LCAT: variants seen among roughly 807,000 people sequenced by gnomAD.
LCAT encodes phosphatidylcholine-sterol acyltransferase.
Under a neutral mutation model 41.0 loss-of-function variants are expected in LCAT, and 15 were observed. The observed-to-expected ratio is 0.37, with a 90% confidence interval of 0.24 to 0.56. LCAT has a LOEUF of 0.56. Among genes scored for constraint, LCAT ranks in the 20% least tolerant of loss-of-function variants. The pLI is 0.81. For missense variants in LCAT, 449 were observed against 595.1 expected (o/e 0.75, Z 2.55); for synonymous variants, 248 against 245.4 (o/e 1.01, Z -0.10).
chr16:67,942,641 C>T lies in LCAT; in HGVS notation c.523+30G>A, dbSNP rs777796548. On this transcript the variant is annotated intron_variant, in intron 4 of 5. Transcript: ENST00000264005. The surrounding 1 kb of genome is among the most constrained non-coding windows in gnomAD (Gnocchi z 6.6). ...CTGGGGTCTGGGGCACCTGCCCCAC[C>T]CCAAGCCGGTCATCCGCAGAGACAC... The T allele has an allele frequency of 1.9e-6, 3 of 1,612,670 alleles. No homozygotes were observed. Among genetic ancestry groups the T allele is most frequent in the African/African-American group, 2.7e-5 (2 of 75,058 alleles).
rs745639568 is a variant in LCAT at position 67,942,702 on chromosome 16, G to A, written c.492C>T (p.Arg164=). 40 of 1,612,748 alleles carry A rather than the reference G, an allele frequency of 2.5e-5. No homozygotes were observed. The highest frequency in any genetic ancestry group is 3.3e-5 in the Admixed American group (2 of 60,006). Residue 164 remains arginine (R), a synonymous_variant, in exon 4 of 6, where the codon CGC becomes CGT. Transcript: ENST00000264005. This position sits in a 1 kb window ranked among gnomAD's most constrained non-coding sequence, Gnocchi z 6.6. The part of the protein sequence containing the change: ...NNGYVRDETV[R]AAPYDWRLEP... ...CCAGCCGCCAGTCATAGGGGGCGGC[G>A]CGCACAGTCTCGTCCCGCACGTAGC...
Position 67,943,141 on chromosome 16 carries a change from G to C in LCAT, c.226C>G (p.Arg76Gly). 6.2e-7 allele frequency: 1 copy of C among 1,613,912 alleles called. No homozygotes were observed. The highest frequency in any genetic ancestry group is 8.5e-7 in the Non-Finnish European group (1 of 1,179,932). ...KPDVVNWMCY[R>G]KTEDFFTIWL... ...ATGGTGAAGAAGTCCTCTGTCTTGC[G>C]GTAGCACATCCAGTTCACCACATCT... The change falls in exon 2 of 6, where the codon CGC becomes GGC. Residue 76 changes from arginine to glycine, a missense_variant. Transcript: ENST00000264005. The surrounding 1 kb of genome is among the most constrained non-coding windows in gnomAD (Gnocchi z 4.6).
Position 67,942,305 on chromosome 16 carries a change from G to A in LCAT, c.748+58C>T. The A allele has an allele frequency of 1.3e-6, 2 of 1,561,364 alleles. No individual in the cohort carries two copies. The highest frequency in any genetic ancestry group is 3.4e-5 in the Admixed American group (2 of 58,824). ...TGAGCAGGAGCCGCAATGAAGGCAG[G>A]CCCAGGATCAGCTTGGTCTCACCCA... On this transcript the variant is annotated intron_variant, in intron 5 of 5. Transcript: ENST00000264005. This position sits in a 1 kb window ranked among gnomAD's most constrained non-coding sequence, Gnocchi z 6.6.
At chr16:67,941,970 G>T (rs1239548658) in intron 5 of LCAT, 2 of 1,192,528 alleles carry the variant, frequency 1.7e-6, no homozygotes, top group East Asian at 1.1e-4. Context: ...AGAGCAGGTG[G>T]GGCCTCGGGG....
Position 67,942,202 on chromosome 16 carries a change from C to G in LCAT, c.748+161G>C. On this transcript the variant is annotated intron_variant, in intron 5 of 5. Transcript: ENST00000264005. This position sits in a 1 kb window ranked among gnomAD's most constrained non-coding sequence, Gnocchi z 6.6. Reference sequence around the variant, plus strand: ...AAGGAGCCACCCTAATTGCTCAGGCCAGGGTCACTGCTCTGGGGGCCAGTG... The same window carrying G: ...AAGGAGCCACCCTAATTGCTCAGGCGAGGGTCACTGCTCTGGGGGCCAGTG... The G allele has an allele frequency of 7.7e-7, 1 of 1,293,846 alleles. No homozygotes were observed. The highest frequency in any genetic ancestry group is 1.1e-6 in the Non-Finnish European group (1 of 927,862). The allele number at this position is 1,293,846 out of a possible 1,614,324, so 80.1% of individuals were successfully genotyped here.
Position 67,940,657 on chromosome 16 carries a change from A to G in LCAT, c.749-179T>C, listed in dbSNP as rs189323062. On this transcript the variant is annotated intron_variant, in intron 5 of 5. Coordinates refer to ENST00000264005, the MANE Select transcript of LCAT (RefSeq NM_000229.2). ...ATGATGCTCAGTGTCAGCTTACTCA[A>G]TGAGAAGCCCTGATAAGACCTCTGT... 111 of 1,092,784 alleles carry G rather than the reference A, an allele frequency of 1.0e-4. No homozygotes were observed. In the African/African-American group the frequency reaches 1.1e-3, roughly 11 times the overall value. The allele number at this position is 1,092,784 out of a possible 1,614,324, so 67.7% of individuals were successfully genotyped here. A position where few individuals can be genotyped will look rare whatever the true frequency, so the allele number is the denominator to read the frequency against.
At position 67,942,936 on chromosome 16, in the gene LCAT, G is replaced by A; in HGVS notation, c.352C>T (p.Pro118Ser). The part of the protein sequence containing the change: ...NRSSGLVSNA[P>S]GVQIRVPGFG... The stretch of plus-strand genomic sequence containing the variant: ...CCAGGGACGCGGATCTGGACACCAG[G>A]GGCGTTGGACACGAGCCCAGAGCTC... The change falls in exon 3 of 6, where the codon CCT becomes TCT. Residue 118 changes from proline (P) to serine (S), a missense_variant. Physicochemically the swap from Pro to Ser is moderately conservative, Grantham distance 74. Coordinates refer to ENST00000264005, the MANE Select transcript of LCAT (RefSeq NM_000229.2). This position sits in a 1 kb window ranked among gnomAD's most constrained non-coding sequence, Gnocchi z 6.6. 1.2e-6 allele frequency: 2 copies of A among 1,613,924 alleles called. No individual in the cohort carries two copies. Among genetic ancestry groups the A allele is most frequent in the Non-Finnish European group, 1.7e-6 (2 of 1,179,996 alleles).
intron 5 of LCAT, chr16:67,940,835 CA>C (rs1188151330): frequency 0.23 from 18,491 of 79,492 alleles, 868 homozygotes; most frequent in African/African-American, 0.29. Flanking sequence ...CCTGTCTCTA[CA>C]AAAAAAAAAA....
At position 67,943,692 on chromosome 16, in the gene LCAT, C is replaced by G; in HGVS notation, c.154+256G>C. 1.8e-6 allele frequency: 1 copy of G among 546,590 alleles called. No individual in the cohort carries two copies. Among genetic ancestry groups the G allele is most frequent in the Non-Finnish European group, 3.3e-6 (1 of 306,772 alleles). 33.9% of individuals were successfully genotyped at this position (546,590 alleles called of 1,614,324 possible). A position where few individuals can be genotyped will look rare whatever the true frequency, so the allele number is the denominator to read the frequency against. On this transcript the variant is annotated intron_variant, in intron 1 of 5. Coordinates refer to ENST00000264005, the MANE Select transcript of LCAT (RefSeq NM_000229.2). The surrounding 1 kb of genome is among the most constrained non-coding windows in gnomAD (Gnocchi z 4.6). The stretch of plus-strand genomic sequence containing the variant: ...TGTGACTGACCACAGCTTGTGATGC[C>G]CCAGCCAAGACCTCAGGCACACCCC...
Position 67,940,214 on chromosome 16 carries a change from A to T in LCAT, c.1013T>A (p.Leu338His), listed in dbSNP as rs2058284980. 6.2e-7 allele frequency: 1 copy of T among 1,613,130 alleles called. No individual in the cohort carries two copies. Among genetic ancestry groups the T allele is most frequent in the Non-Finnish European group, 8.5e-7 (1 of 1,180,016 alleles). ...GGGCGTGGGCAGGCCCACGCCGTAAAGACAGTATACTTCCACACCAGGTGC... is the reference window on the plus strand; with the variant it reads ...GGGCGTGGGCAGGCCCACGCCGTAATGACAGTATACTTCCACACCAGGTGC... Reference protein sequence around the residue: ...LPAPGVEVYCLYGVGLPTPRT... With the variant: ...LPAPGVEVYCHYGVGLPTPRT... Residue 338 changes from leucine to histidine, a missense_variant, in exon 6 of 6, where the codon CTT becomes CAT. By Grantham distance (99) the Leu-to-His change is moderately conservative. Transcript: ENST00000264005.
rs200506753 is a variant in LCAT, at chr16:67,940,104, G to A, written c.1123C>T (p.Arg375Cys). ...CACAGGCCACAGAGCTCGGTGCTGC[G>A]GGTCGCCACCGTGTCATCACCATCC... Reference protein sequence around the residue: ...YEDGDDTVATRSTELCGLWQG... With the variant: ...YEDGDDTVATCSTELCGLWQG... The change falls in exon 6 of 6, where the codon CGC becomes TGC. Residue 375 changes from arginine to cysteine, a missense_variant. Arg to Cys is a radical substitution (Grantham distance 180). Coordinates refer to ENST00000264005, the MANE Select transcript of LCAT (RefSeq NM_000229.2). 7.4e-6 allele frequency: 12 copies of A among 1,613,164 alleles called. No homozygotes were observed. Among genetic ancestry groups the A allele is most frequent in the Admixed American group, 5.0e-5 (3 of 60,030 alleles).
rs1378606015 is a variant in LCAT, at chr16:67,943,959, G to A, written c.143C>T (p.Pro48Leu). ...PKAELSNHTR[P>L]VILVPGCLGN... ...TGGTGGGGGCTTACCGAGGATGACG[G>A]GCCGTGTGTGGTTACTGAGCTCAGC... The change falls in exon 1 of 6, where the codon CCC (proline) becomes CTC (leucine). Residue 48 changes from proline (P) to leucine (L), a missense_variant. Transcript: ENST00000264005. The surrounding 1 kb of genome is among the most constrained non-coding windows in gnomAD (Gnocchi z 4.6). 1 of 1,547,236 alleles carries A rather than the reference G, an allele frequency of 6.5e-7. No individual in the cohort carries two copies. Among genetic ancestry groups the A allele is most frequent in the South Asian group, 1.2e-5 (1 of 83,710 alleles).
rs549941664 is a variant in LCAT, at chr16:67,943,724, C to G, written c.154+224G>C. ...AAGACCTCAGGCACACCCCGTCCCC[C>G]ACTCCGCCCCCCCTGGGTTAGACAA... On this transcript the variant is annotated intron_variant, in intron 1 of 5. Transcript: ENST00000264005. The surrounding 1 kb of genome is among the most constrained non-coding windows in gnomAD (Gnocchi z 4.6). 11 of 572,702 alleles carry G rather than the reference C, an allele frequency of 1.9e-5. No individual in the cohort carries two copies. The highest frequency in any genetic ancestry group is 3.1e-5 in the Non-Finnish European group (10 of 325,508). 35.5% of individuals were successfully genotyped at this position (572,702 alleles called of 1,614,324 possible).
chr16:67,941,126 A>G (rs2058288853), intron 5 of LCAT, among the ~76,000 whole-genome samples: 1 of 152,102 alleles, frequency 6.6e-6, no homozygotes, highest in African/African-American at 2.4e-5. Flanking sequence ...CAACATGGGG[A>G]AACCTAATCT....
In LCAT at chr16:67,943,841, G is replaced by A. The variant is rs1252965381; in HGVS notation, c.154+107C>T. 21 of 1,094,644 alleles carry A rather than the reference G, an allele frequency of 1.9e-5. No homozygotes were observed. The highest frequency in any genetic ancestry group is 5.6e-5 in the Admixed American group (2 of 35,436). The allele number at this position is 1,094,644 out of a possible 1,614,324, so 67.8% of individuals were successfully genotyped here. On this transcript the variant is annotated intron_variant, in intron 1 of 5. Coordinates refer to ENST00000264005, the MANE Select transcript of LCAT (RefSeq NM_000229.2). This position sits in a 1 kb window ranked among gnomAD's most constrained non-coding sequence, Gnocchi z 4.6. The stretch of plus-strand genomic sequence containing the variant: ...CCACACCAGGGCAGGTACTTATGTC[G>A]GGGCTTATGCAGGGCAGAAGGGCTT...
intron 5 of LCAT, chr16:67,940,686 G>C (rs929035901): frequency 1.2e-6 from 1 of 860,240 alleles, no homozygotes. Context: ...CCTCTGTTGG[G>C]TGGAGCTGTA....
chr16:67,944,016 T>C lies in LCAT; in HGVS notation c.86A>G (p.Asn29Ser), dbSNP rs1253171555. 9 of 1,547,830 alleles carry C rather than the reference T, an allele frequency of 5.8e-6. No individual in the cohort carries two copies. Among genetic ancestry groups the C allele is most frequent in the Non-Finnish European group, 6.1e-6 (7 of 1,145,680 alleles). The change falls in exon 1 of 6, where the codon AAT becomes AGT. Residue 29 changes from asparagine (N) to serine (S), a missense_variant. By Grantham distance (46) the Asn-to-Ser change is conservative. Transcript: ENST00000264005. This position sits in a 1 kb window ranked among gnomAD's most constrained non-coding sequence, Gnocchi z 6.6. ...CGTGGTGTGCGGGGGGAAGAGCACA[T>C]TGAGGAGCCAGAAGGGGGCGGCAGG... ...LPPAAPFWLL[N>S]VLFPPHTTPK... is the part of the protein sequence containing the mutation.
chr16:67,941,804 CAA>C, intron 5 of LCAT: 2 of 1,027,656 alleles, frequency 1.9e-6, no homozygotes, highest in Non-Finnish European at 2.3e-6. Context: ...AAGGGGGAAA[CAA>C]GATGGTGTCT....
At position 67,942,727 on chromosome 16, in the gene LCAT, C is replaced by T; in HGVS notation, c.467G>A (p.Gly156Asp). ...GCGCACAGTCTCGTCCCGCACGTAG[C>T]CATTGTTGACCAGGTTCTGCACCAG... Reference protein sequence around the residue: ...HTLVQNLVNNGYVRDETVRAA... With the variant: ...HTLVQNLVNNDYVRDETVRAA... Residue 156 changes from glycine to aspartate, a missense_variant, in exon 4 of 6, where the codon GGC becomes GAC. Physicochemically the swap from Gly to Asp is moderately conservative, Grantham distance 94. Transcript: ENST00000264005. This position sits in a 1 kb window ranked among gnomAD's most constrained non-coding sequence, Gnocchi z 6.6. 1 of 1,612,884 alleles carries T rather than the reference C, an allele frequency of 6.2e-7. No individual in the cohort carries two copies. The highest frequency in any genetic ancestry group is 8.5e-7 in the Non-Finnish European group (1 of 1,179,942).
Sources: allele counts gnomAD v4.1 joint callset (sites outside exome capture counted in the v4.1 genomes callset), GRCh38; gene constraint gnomAD v4.1.1; non-coding constraint Gnocchi (gnomAD v3.1); transcripts MANE v1.5; gene names NCBI Gene and HGNC (gene_info 2026-07-23, HGNC 2026-07-21).